Variants in TLK1 observed in about 807,000 individuals in gnomAD.
TLK1 encodes serine/threonine-protein kinase tousled-like 1.
Under a neutral mutation model 105.3 loss-of-function variants are expected in TLK1, and 24 were observed. The observed-to-expected ratio is 0.23, with a 90% CI of 0.17 to 0.32. The LOEUF is 0.32. Ranked by LOEUF, TLK1 falls within the 10% of genes least tolerant of loss-of-function variation. The pLI, the probability that TLK1 is intolerant of heterozygous loss-of-function variation, is 1.00. For missense variants in TLK1, 558 were observed against 910.5 expected, an observed-to-expected ratio of 0.61 and a Z score of 4.98; for synonymous variants, 321 against 310.4, an observed-to-expected ratio of 1.03 and a Z score of -0.36.
At chr2:171,166,282 C>T (rs1486340778) in intron 1 of TLK1, among the ~76,000 whole-genome samples, 1 of 152,268 alleles carries the variant, frequency 6.6e-6, no homozygotes, top group Admixed American at 6.5e-5. Context: ...GTAATGGTTA[C>T]AGTTGTGTTA....
intron 11 of TLK1, among the ~76,000 whole-genome samples, chr2:171,031,578 C>T (rs1017210930): frequency 3.3e-5 from 5 of 152,088 alleles, no homozygotes; most frequent in Admixed American, 6.6e-5. Flanking sequence ...TTTTATTACA[C>T]AAACATAAAA....
chr2:171,144,467 A>G (rs971162292), intron 1 of TLK1, among the ~76,000 whole-genome samples: 9 of 152,234 alleles, frequency 5.9e-5, no homozygotes, highest in African/African-American at 1.2e-4. Flanking sequence ...AAAAGGATAC[A>G]AAGTACGTTC....
At chr2:171,024,604 T>G (rs1685688579) in intron 12 of TLK1, among the ~76,000 whole-genome samples, 1 of 152,168 alleles carries the variant, frequency 6.6e-6, no homozygotes, top group South Asian at 2.1e-4. Context: ...ATCAACTTAC[T>G]ATTAATCTAC....
intron 2 of TLK1, among the ~76,000 whole-genome samples, chr2:171,093,825 G>A (rs935262304): frequency 6.6e-6 from 1 of 152,166 alleles, no homozygotes; most frequent in Non-Finnish European, 1.5e-5. Flanking sequence ...AGAGATTTAA[G>A]TTGATCACTT....
chr2:171,048,993 A>T (rs1408461418), intron 10 of TLK1, among the ~76,000 whole-genome samples: 2 of 152,238 alleles, frequency 1.3e-5, no homozygotes, highest in Non-Finnish European at 2.9e-5. Flanking sequence ...TGGTAACTAT[A>T]ATTCCTCTGT....
rs1335967810 is a variant in TLK1, at chr2:171,108,076, AC to A, written c.258+9662del. On this transcript the variant is annotated intron_variant, in intron 2 of 20. Transcript: ENST00000431350. Reference sequence around the variant, plus strand: ...CTCTCTCAAAAAAAAAACAACAACAACAACAACAACAAAAAAACAGGAGCCA... The same window carrying A: ...CTCTCTCAAAAAAAAAACAACAACAAAACAACAACAAAAAAACAGGAGCCA... 2.5e-3 allele frequency among the ~76,000 whole-genome samples: 282 copies of A among 112,108 alleles called. 1 individual carries two copies. Among genetic ancestry groups the A allele is most frequent in the African/African-American group, 0.01 (199 of 19,262 alleles). 73.5% of individuals were successfully genotyped at this position (112,108 alleles called of 152,430 possible). A position where few individuals can be genotyped will look rare whatever the true frequency, so the allele number is the denominator to read the frequency against.
intron 8 of TLK1, among the ~76,000 whole-genome samples, chr2:171,050,471 T>G (rs1264852318): frequency 6.6e-6 from 1 of 152,200 alleles, no homozygotes; most frequent in Non-Finnish European, 1.5e-5. Context: ...CTTTCTTATT[T>G]CTAAATAGAA....
At chr2:171,053,652 C>A in intron 8 of TLK1, 109 bp downstream of exon 8, 1 of 831,054 alleles carries the variant, frequency 1.2e-6, no homozygotes, top group Non-Finnish European at 1.9e-6. Flanking sequence ...TGAGCCACTG[C>A]GCCTGGCCTA....
chr2:171,148,911 ATGTGTG>A (rs58338054), intron 1 of TLK1, among the ~76,000 whole-genome samples: 3 of 134,240 alleles, frequency 2.2e-5, no homozygotes, highest in African/African-American at 8.9e-5. Flanking sequence ...ATATATATAT[ATGTGTG>A]TGTGTGTGTG....
chr2:171,090,062 T>C (rs10930455), intron 2 of TLK1, among the ~76,000 whole-genome samples: 59,300 of 152,028 alleles, frequency 0.39, 12,935 homozygotes, highest in African/African-American at 0.57. Flanking sequence ...GATAGCTTTA[T>C]AACATTGAGT....
At chr2:171,021,433 CTTTTTTTTTTTTTTTTTTTTTTT>C (rs531522490) in intron 12 of TLK1, among the ~76,000 whole-genome samples, 8 of 116,838 alleles carry the variant, frequency 6.8e-5, no homozygotes, top group Admixed American at 5.3e-4. Flanking sequence ...CCCGCCCCGA[CTTTTTTTTTTTTTTTTTTTTTTT>C]TTTTTTTTTT....
chr2:171,001,969 C>T lies in TLK1; in HGVS notation c.1905-4146G>A, dbSNP rs182398497. Reference sequence around the variant, plus strand: ...CTAATTTTTGTATTTTTGATAGAGACGGGGTTTCACCGTTGGCCAGGATGG... The same window carrying T: ...CTAATTTTTGTATTTTTGATAGAGATGGGGTTTCACCGTTGGCCAGGATGG... On this transcript the variant is annotated intron_variant, in intron 18 of 20. Transcript: ENST00000431350. Among the ~76,000 whole-genome samples, 147 of 152,096 alleles carry T rather than the reference C, an allele frequency of 9.7e-4. 1 individual carries two copies. The highest frequency in any genetic ancestry group is 9.1e-3 in the East Asian group (47 of 5,144).
At chr2:171,103,663 A>C (rs919550297) in intron 2 of TLK1, among the ~76,000 whole-genome samples, 7 of 152,134 alleles carry the variant, frequency 4.6e-5, no homozygotes, top group African/African-American at 1.7e-4. Flanking sequence ...CTGTAGATGG[A>C]GTCTCATTTA....
At chr2:171,162,831 C>CTCTG (rs1692539943), upstream of TLK1, among the ~76,000 whole-genome samples, 1 of 152,196 alleles carries the variant, frequency 6.6e-6, no homozygotes, top group Admixed American at 6.5e-5. Flanking sequence ...CAGAGTCTTA[C>CTCTG]TCTGTTTTGC....
Position 171,044,194 on chromosome 2 carries a change from A to C in TLK1, c.1169+1980T>G, listed in dbSNP as rs150192713. Among the ~76,000 whole-genome samples the C allele has an allele frequency of 2.2e-4, 33 of 152,308 alleles. No individual in the cohort carries two copies. The East Asian group carries it at 4.2e-3, about 20-fold the overall frequency. On this transcript the variant is annotated intron_variant, in intron 11 of 20. Coordinates refer to ENST00000431350, the MANE Select transcript of TLK1 (RefSeq NM_012290.5). ...CCCAGCACTTTGGGAAACCAAGGCA[A>C]AGAGTACAGCTTGAGCCCAGGAGTT...
chr2:171,162,127 T>G (rs1339888826), upstream of TLK1, among the ~76,000 whole-genome samples: 7 of 152,252 alleles, frequency 4.6e-5, no homozygotes, highest in Admixed American at 3.3e-4. Flanking sequence ...TGTAGTTGCC[T>G]TGTGCTTTAG....
intron 3 of TLK1, among the ~76,000 whole-genome samples, chr2:171,073,406 T>G (rs1488169163): frequency 1.3e-5 from 2 of 152,192 alleles, no homozygotes; most frequent in East Asian, 1.9e-4. Flanking sequence ...ATCCATTTCA[T>G]GATTTCATGA....
intron 3 of TLK1, 37 bp from the exon 4 acceptor site, chr2:171,061,193 T>C (rs1253015501): frequency 6.3e-7 from 1 of 1,599,824 alleles, no homozygotes; most frequent in Non-Finnish European, 8.6e-7. Context: ...TAAATGACAG[T>C]TTTAATATAC....
chr2:171,224,761 A>G (rs1693868711), intron 1 of TLK1, among the ~76,000 whole-genome samples: 1 of 152,220 alleles, frequency 6.6e-6, no homozygotes, highest in Admixed American at 6.5e-5. Flanking sequence ...ACAATCTTAA[A>G]GAACAAAACT....
Sources: allele counts gnomAD v4.1 joint callset (sites outside exome capture counted in the v4.1 genomes callset), GRCh38; gene constraint gnomAD v4.1.1; transcripts MANE v1.5; gene names NCBI Gene and HGNC (gene_info 2026-07-23, HGNC 2026-07-21).